The following ATP13A4 variants were observed in gnomAD, a reference collection of about 807,000 sequenced individuals.
ATP13A4 encodes the protein ATPase 13A4, also known as probable cation-transporting ATPase 13A4.
Under a neutral mutation model 142.5 loss-of-function variants are expected in ATP13A4, and 114 were observed. The observed-to-expected ratio is 0.80, with a 90% CI of 0.69 to 0.93. The LOEUF (loss-of-function observed/expected upper bound fraction) is 0.93. Ranked by LOEUF, ATP13A4 falls within the 40% of genes least tolerant of loss-of-function variation. The pLI is 0.00. For missense variants in ATP13A4, 1,392 were observed against 1,454.0 expected (o/e 0.96, Z 0.69); for synonymous variants, 488 against 514.8 (o/e 0.95, Z 0.70).
chr3:193,530,309 G>C (rs1297938897), intron 1 of ATP13A4, among the ~76,000 whole-genome samples: 1 of 151,812 alleles, frequency 6.6e-6, no homozygotes, highest in Non-Finnish European at 1.5e-5. Flanking sequence ...ATCTTTAAAA[G>C]TACTACTCAA....
chr3:193,412,410 G>T, intron 26 of ATP13A4, 39 bp from the exon 27 acceptor site: 1 of 1,582,244 alleles, frequency 6.3e-7, no homozygotes, highest in South Asian at 1.1e-5. Context: ...AAGTAAGATT[G>T]CAAGGCTTTA....
chr3:193,402,937 C>A, intron 29 of ATP13A4, 73 bp from the exon 30 acceptor site: 1 of 1,329,708 alleles, frequency 7.5e-7, no homozygotes, highest in South Asian at 1.2e-5. Context: ...CACAGGCCAT[C>A]ATAAGTCACT....
chr3:193,525,697 T>C (rs901357388), intron 1 of ATP13A4, among the ~76,000 whole-genome samples: 4 of 152,200 alleles, frequency 2.6e-5, no homozygotes, highest in African/African-American at 9.6e-5. Flanking sequence ...TGTAGGACTC[T>C]AAGTTCCCTC....
rs932142086 is a variant in ATP13A4 at position 193,543,661 on chromosome 3, C to T, written c.60+11079G>A. On this transcript the variant is annotated intron_variant, in intron 1 of 29. Coordinates refer to ENST00000342695, the MANE Select transcript of ATP13A4 (RefSeq NM_032279.4). The stretch of plus-strand genomic sequence containing the variant: ...ATGTAGAATGCTACAAAGAACATCA[C>T]ACTCCCCCTAACAACCAGGAAAAAA... Among the ~76,000 whole-genome samples, 7 of 152,242 alleles carry T rather than the reference C, an allele frequency of 4.6e-5. No homozygotes were observed. In the Middle Eastern group the frequency reaches 0.014, roughly 296 times the overall value.
chr3:193,545,501 C>T (rs1376078324), intron 1 of ATP13A4, among the ~76,000 whole-genome samples: 2 of 152,178 alleles, frequency 1.3e-5, no homozygotes, highest in African/African-American at 4.8e-5. Flanking sequence ...TTCTGAGCTG[C>T]CTTTCAACTC....
chr3:193,458,319 G>A (rs1490207592), intron 14 of ATP13A4, among the ~76,000 whole-genome samples: 1 of 152,300 alleles, frequency 6.6e-6, no homozygotes, highest in East Asian at 1.9e-4. Flanking sequence ...AGTAACTCCA[G>A]CTATTTAGTC....
chr3:193,409,624 C>T (rs556517542), intron 28 of ATP13A4, among the ~76,000 whole-genome samples: 4 of 152,330 alleles, frequency 2.6e-5, no homozygotes, highest in Admixed American at 6.5e-5. Flanking sequence ...TCCATGAATA[C>T]TTAATTTAAT....
At chr3:193,427,080 CATA>C (rs1715706611) in intron 25 of ATP13A4, among the ~76,000 whole-genome samples, 1 of 151,944 alleles carries the variant, frequency 6.6e-6, no homozygotes, top group Non-Finnish European at 1.5e-5. Flanking sequence ...TTTCATGTCT[CATA>C]AGAGTTTAAT....
intron 1 of ATP13A4, among the ~76,000 whole-genome samples, chr3:193,528,590 A>G (rs146909912): frequency 1.3e-5 from 2 of 152,314 alleles, no homozygotes; most frequent in African/African-American, 4.8e-5. Context: ...CCTTTTTCAA[A>G]TACCCTGGGA....
At chr3:193,579,998 C>T (rs2108745872) in intron 2 of ATP13A4, among the ~76,000 whole-genome samples, 1 of 152,206 alleles carries the variant, frequency 6.6e-6, no homozygotes, top group Non-Finnish European at 1.5e-5. Flanking sequence ...GTATTTCTTC[C>T]CCATTCTTTC....
chr3:193,561,388 C>T (rs1404787808), intron 2 of ATP13A4, among the ~76,000 whole-genome samples: 4 of 152,186 alleles, frequency 2.6e-5, no homozygotes, highest in Non-Finnish European at 5.9e-5. Context: ...TGCCATTCTT[C>T]CAAAAGTCCA....
At chr3:193,464,537 GTTCA>G (rs1718150554) in intron 12 of ATP13A4, among the ~76,000 whole-genome samples, 1 of 152,128 alleles carries the variant, frequency 6.6e-6, no homozygotes, top group African/African-American at 2.4e-5. Flanking sequence ...TTTTTTATTT[GTTCA>G]TTAATTCAAT....
At chr3:193,457,295 A>T in intron 15 of ATP13A4, 84 bp downstream of exon 15, 1 of 1,573,852 alleles carries the variant, frequency 6.4e-7, no homozygotes, top group Admixed American at 1.7e-5. Context: ...TCAAAGACAC[A>T]TCTGTGACCT....
intron 2 of ATP13A4, among the ~76,000 whole-genome samples, chr3:193,568,384 A>G (rs1724188294): frequency 6.6e-6 from 1 of 152,230 alleles, no homozygotes; most frequent in African/African-American, 2.4e-5. Flanking sequence ...ATCTAATTGC[A>G]GTAAAAAACA....
intron 12 of ATP13A4, among the ~76,000 whole-genome samples, 165 bp downstream of exon 12, chr3:193,464,775 G>A (rs535727414): frequency 4.3e-4 from 66 of 152,196 alleles, no homozygotes; most frequent in African/African-American, 1.5e-3. Context: ...TGGACTCTGC[G>A]AGCTCAAGAG....
chr3:193,425,930 G>A (rs1715636130), intron 25 of ATP13A4, among the ~76,000 whole-genome samples: 1 of 151,802 alleles, frequency 6.6e-6, no homozygotes, highest in Admixed American at 6.6e-5. Context: ...TAATTACCAT[G>A]ATTTTACTAT....
At chr3:193,463,332 G>T (rs1481224129) in intron 12 of ATP13A4, among the ~76,000 whole-genome samples, 3 of 145,910 alleles carry the variant, frequency 2.1e-5, no homozygotes, top group Non-Finnish European at 4.5e-5. Flanking sequence ...CATAGCAGAA[G>T]TTTAAAATAT....
At chr3:193,458,789 A>G in intron 14 of ATP13A4, 1 of 593,736 alleles carries the variant, frequency 1.7e-6, no homozygotes, top group Non-Finnish European at 3.0e-6. Context: ...ATAACTGCAT[A>G]ATAAGTACAA....
At chr3:193,426,763 A>G (rs1030281337) in intron 25 of ATP13A4, among the ~76,000 whole-genome samples, 4 of 151,946 alleles carry the variant, frequency 2.6e-5, no homozygotes, top group Admixed American at 1.3e-4. Flanking sequence ...AGTCTCTTCA[A>G]CAAGCTGGGA....
Sources: gnomAD v4.1 joint callset for allele counts (sites outside exome capture counted in the v4.1 genomes callset) on GRCh38, gnomAD v4.1.1 for gene constraint, MANE v1.5 for transcripts, NCBI Gene and HGNC (gene_info 2026-07-23, HGNC 2026-07-21) for gene names.